Variants in NEXN observed in about 807,000 individuals in gnomAD.
NEXN encodes nexilin.
A neutral mutation model predicts 92.6 loss-of-function variants in NEXN; 65 were observed. That is an observed-to-expected ratio of 0.70 (90% CI 0.57 to 0.86). The LOEUF (loss-of-function observed/expected upper bound fraction) is 0.86. Ranked by LOEUF, NEXN falls within the 40% of genes least tolerant of loss-of-function variation. NEXN has a pLI of 0.00. For missense variants in NEXN, 778 were observed against 771.1 expected (o/e 1.01, Z -0.11); for synonymous variants, 254 against 242.5 (o/e 1.05, Z -0.44).
chr1:77,909,665 A>G lies in NEXN; in HGVS notation c.-52-6390A>G, dbSNP rs145444220. 8.1e-4 allele frequency among the ~76,000 whole-genome samples: 124 copies of G among 152,240 alleles called. 1 individual carries two copies. The East Asian group carries it at 0.016, about 20-fold the overall frequency. On this transcript the variant is annotated intron_variant, in intron 1 of 12. Transcript: ENST00000334785. The stretch of plus-strand genomic sequence containing the variant: ...GACCCACTAAACAAGAAAAGTTAGG[A>G]TCTTATTAATAATTACAGGGAATCA...
intron 5 of NEXN, among the ~76,000 whole-genome samples, chr1:77,924,796 AC>A (rs1649722362): frequency 1.3e-5 from 2 of 151,930 alleles, no homozygotes; most frequent in African/African-American, 4.8e-5. Context: ...AGTAGCTGGG[AC>A]CACAGGTGCG....
At position 77,922,388 on chromosome 1, in the gene NEXN, CA is replaced by C. The variant is rs1256139416; in HGVS notation, c.448-2797del. On this transcript the variant is annotated intron_variant, in intron 5 of 12. Coordinates refer to ENST00000334785, the MANE Select transcript of NEXN (RefSeq NM_144573.4). Reference sequence around the variant, plus strand: ...TCATGATCCGCCTGCCTCGGCCTCCCAAAGTGCTAGGATTACAGGCGTGAGC... The same window carrying C: ...TCATGATCCGCCTGCCTCGGCCTCCCAAGTGCTAGGATTACAGGCGTGAGC... Among the ~76,000 whole-genome samples, 6 of 152,054 alleles carry C rather than the reference CA, an allele frequency of 3.9e-5. No individual in the cohort carries two copies. In the East Asian group the frequency reaches 1.2e-3, roughly 30 times the overall value.
rs1476348276 is a variant in NEXN, at chr1:77,933,296, C to G, written c.1068C>G (p.Asp356Glu). 1 of 1,593,672 alleles carries G rather than the reference C, an allele frequency of 6.3e-7. No homozygotes were observed. The highest frequency in any genetic ancestry group is 1.1e-5 in the South Asian group (1 of 90,100). ...EARRNMVVDD[D>E]SPEMYKTISQ... ...ATTTTAAATAGGTAGTAGATGATGA[C>G]TCCCCAGAGATGTATAAGACAATCT... Residue 356 changes from aspartate (D) to glutamate (E), a missense_variant, in exon 10 of 13, where the codon GAC becomes GAG. Asp to Glu is a conservative substitution (Grantham distance 45). Transcript: ENST00000334785.
chr1:77,917,281 A>G (rs1191163076), intron 2 of NEXN, among the ~76,000 whole-genome samples: 1 of 152,156 alleles, frequency 6.6e-6, no homozygotes, highest in African/African-American at 2.4e-5. Flanking sequence ...TTTGATTTTT[A>G]TATTTTACTG....
Position 77,941,995 on chromosome 1 carries a change from T to G in NEXN, c.1474-28T>G, listed in dbSNP as rs370655157. On this transcript the variant is annotated intron_variant, in intron 11 of 12. Transcript: ENST00000334785. ...TTCTTTGTTTTTAGAAGGCAAGCAA[T>G]TGTTAATCTTGGCCCACTTTCTTGC... 1.9e-6 allele frequency: 3 copies of G among 1,605,454 alleles called. No individual in the cohort carries two copies. The South Asian group carries it at 3.3e-5, about 18-fold the overall frequency.
chr1:77,925,576 C>T (rs1649780165), intron 6 of NEXN, among the ~76,000 whole-genome samples: 1 of 152,124 alleles, frequency 6.6e-6, no homozygotes, highest in South Asian at 2.1e-4. Flanking sequence ...TTATTTTCAT[C>T]ATTTGTCTTC....
At chr1:77,935,768 CAT>C in intron 10 of NEXN, 53 bp from the exon 11 acceptor site, 1 of 1,511,212 alleles carries the variant, frequency 6.6e-7, no homozygotes, top group Non-Finnish European at 9.1e-7. Context: ...GCCTTGGCAA[CAT>C]AGTGAGACTC....
intron 1 of NEXN, among the ~76,000 whole-genome samples, chr1:77,906,571 T>C (rs1648128144): frequency 1.3e-5 from 2 of 152,110 alleles, no homozygotes; most frequent in South Asian, 4.2e-4. Flanking sequence ...TATATGTGGG[T>C]TTGGAATTTT....
At chr1:77,895,722 G>A (rs916868237) in intron 1 of NEXN, among the ~76,000 whole-genome samples, 2 of 152,012 alleles carry the variant, frequency 1.3e-5, no homozygotes, top group Admixed American at 6.6e-5. Flanking sequence ...AAAATTAGCC[G>A]GGTGTGGTAG....
At chr1:77,940,840 C>T (rs1651239437) in intron 11 of NEXN, among the ~76,000 whole-genome samples, 1 of 152,142 alleles carries the variant, frequency 6.6e-6, no homozygotes, top group Admixed American at 6.5e-5. Context: ...TCATTAGCAA[C>T]AACCATAGTC....
Position 77,888,657 on chromosome 1 carries a change from G to C in NEXN, c.-155G>C, listed in dbSNP as rs1419406868. On this transcript the variant is annotated 5_prime_UTR_variant, in exon 1 of 13. Coordinates refer to ENST00000334785, the MANE Select transcript of NEXN (RefSeq NM_144573.4). ...GACTCCCAGCGGCTGGAGCAGAAGTGTTAGCGGCCAGAGCTCCCAGACCCC... is the reference window on the plus strand; with the variant it reads ...GACTCCCAGCGGCTGGAGCAGAAGTCTTAGCGGCCAGAGCTCCCAGACCCC... The C allele has an allele frequency of 6.1e-6, 1 of 163,256 alleles. No homozygotes were observed. Among genetic ancestry groups the C allele is most frequent in the Non-Finnish European group, 1.3e-5 (1 of 74,830 alleles). 10.1% of individuals were successfully genotyped at this position (163,256 alleles called of 1,614,324 possible).
chr1:77,917,714 A>G lies in NEXN; in HGVS notation c.176A>G (p.Glu59Gly), dbSNP rs1219781969. 3 of 1,611,822 alleles carry G rather than the reference A, an allele frequency of 1.9e-6. No homozygotes were observed. Among genetic ancestry groups the G allele is most frequent in the Non-Finnish European group, 1.7e-6 (2 of 1,178,338 alleles). ...RSRDEKQRRK[E>G]QYIREREWNR... ...AGAGACGAAAAACAAAGAAGAAAAG[A>G]ACAATATATTAGAGAGAGAGAATGG... Residue 59 changes from glutamate to glycine, a missense_variant, in exon 3 of 13, where the codon GAA (glutamate) becomes GGA (glycine). Physicochemically the swap from Glu to Gly is moderately conservative, Grantham distance 98. Coordinates refer to ENST00000334785, the MANE Select transcript of NEXN (RefSeq NM_144573.4).
In NEXN at chr1:77,942,984, G is replaced by A. The variant is rs865843420; in HGVS notation, c.*155G>A. 3.6e-6 allele frequency: 4 copies of A among 1,111,866 alleles called. No homozygotes were observed. Among genetic ancestry groups the A allele is most frequent in the Admixed American group, 2.1e-5 (1 of 47,964 alleles). 68.9% of individuals were successfully genotyped at this position (1,111,866 alleles called of 1,614,324 possible). A position where few individuals can be genotyped will look rare whatever the true frequency, so the allele number is the denominator to read the frequency against. On this transcript the variant is annotated 3_prime_UTR_variant, in exon 13 of 13. Coordinates refer to ENST00000334785, the MANE Select transcript of NEXN (RefSeq NM_144573.4). ...TTACTACATCCATCTTTTCTGTGGCGGGGCCAAAAAAGGAAACCAGGAGTG... is the reference window on the plus strand; with the variant it reads ...TTACTACATCCATCTTTTCTGTGGCAGGGCCAAAAAAGGAAACCAGGAGTG...
intron 1 of NEXN, among the ~76,000 whole-genome samples, chr1:77,896,385 T>C (rs1036210954): frequency 6.6e-6 from 1 of 152,130 alleles, no homozygotes; most frequent in Non-Finnish European, 1.5e-5. Context: ...TTGCTTGGGT[T>C]CATTCTTGAC....
Position 77,935,813 on chromosome 1 carries a change from T to G in NEXN, c.1252-10T>G, listed in dbSNP as rs201019553. The G allele has an allele frequency of 1.6e-4, 252 of 1,608,226 alleles. No individual in the cohort carries two copies. In the African/African-American group the frequency reaches 3.1e-3, roughly 20 times the overall value. On this transcript the variant is annotated splice_polypyrimidine_tract_variant and intron_variant, in intron 10 of 12. Transcript: ENST00000334785. ...AACAGCAGCAACAAACTTATTAATT[T>G]TTTTTGAAGGAAGAGGAAGAAAATG...
At chr1:77,934,011 A>ATTTTTTTTTTTTTTT (rs71075780) in intron 10 of NEXN, among the ~76,000 whole-genome samples, 12 of 114,292 alleles carry the variant, frequency 1.0e-4, no homozygotes, top group African/African-American at 2.5e-4. Flanking sequence ...CTAATTTTTA[A>ATTTTTTTTTTTTTTT]TTTTTTTTTT....
intron 1 of NEXN, among the ~76,000 whole-genome samples, chr1:77,912,199 C>T (rs1238976027): frequency 1.3e-5 from 2 of 151,958 alleles, no homozygotes; most frequent in East Asian, 3.8e-4. Context: ...ACACCATTTA[C>T]AGTAGTATAA....
intron 1 of NEXN, among the ~76,000 whole-genome samples, chr1:77,910,951 CCT>C (rs1346011918): frequency 2.6e-5 from 4 of 151,934 alleles, no homozygotes; most frequent in African/African-American, 9.7e-5. Flanking sequence ...GATCCTCCTG[CCT>C]CTGTTTCCCA....
intron 1 of NEXN, among the ~76,000 whole-genome samples, chr1:77,893,571 TCAGA>T (rs1647155119): frequency 6.6e-6 from 1 of 152,156 alleles, no homozygotes; most frequent in Non-Finnish European, 1.5e-5. Flanking sequence ...TGATTTTGGA[TCAGA>T]CAGTTTTCCT....
Sources: gnomAD v4.1 joint callset for allele counts (sites outside exome capture counted in the v4.1 genomes callset) on GRCh38, gnomAD v4.1.1 for gene constraint, MANE v1.5 for transcripts, NCBI Gene and HGNC (gene_info 2026-07-23, HGNC 2026-07-21) for gene names.